The following KIAA1958 variants were observed in gnomAD, a reference collection of about 807,000 sequenced individuals.
The protein encoded by KIAA1958 is uncharacterized protein KIAA1958.
A neutral mutation model predicts 47.2 loss-of-function variants in KIAA1958; 14 were observed. The observed-to-expected ratio is 0.30, with a 90% confidence interval of 0.20 to 0.46. The LOEUF is 0.46. KIAA1958 is among the 20% of genes least tolerant of loss of function. The probability of loss-of-function intolerance (pLI) is 1.00; values close to 1 mark genes in which losing one functional copy is unlikely to be tolerated. For synonymous variants in KIAA1958, 354 were observed against 353.3 expected (o/e 1.00, Z -0.02); for missense variants, 803 against 909.2 (o/e 0.88, Z 1.50).
chr9:112,618,799 G>A lies in KIAA1958; in HGVS notation c.1172-26851G>A. 3 of 1,550,628 alleles carry A rather than the reference G, an allele frequency of 1.9e-6. No individual in the cohort carries two copies. Among genetic ancestry groups the A allele is most frequent in the Non-Finnish European group, 2.6e-6 (3 of 1,147,006 alleles). On this transcript the variant is annotated intron_variant, in intron 2 of 3. Coordinates refer to ENST00000337530, the MANE Select transcript of KIAA1958 (RefSeq NM_133465.4). This position sits in a 1 kb window ranked among gnomAD's most constrained non-coding sequence, Gnocchi z 7.1. ...CCTTGTCTGAGGCCCAGAGCAACCA[G>A]CTCGTGCTGATCTGTAACAATCTGA...
chr9:112,512,829 G>GT (rs371253942), intron 1 of KIAA1958, among the ~76,000 whole-genome samples: 104 of 150,336 alleles, frequency 6.9e-4, no homozygotes, highest in African/African-American at 2.4e-3. Flanking sequence ...AGGGATAGGT[G>GT]TTTTTTTTGT....
chr9:112,519,773 G>T lies in KIAA1958; in HGVS notation c.-25+32655G>T, dbSNP rs193293567. 2.6e-5 allele frequency among the ~76,000 whole-genome samples: 4 copies of T among 152,256 alleles called. No homozygotes were observed. The East Asian group carries it at 7.7e-4, about 29-fold the overall frequency. On this transcript the variant is annotated intron_variant, in intron 1 of 3. Transcript: ENST00000337530. The stretch of plus-strand genomic sequence containing the variant: ...GTGAGAAATGCTGATGTACCTTTTG[G>T]AGTTCAAAGACATTTTTGTACCAAC...
At chr9:112,597,480 C>T (rs1289765000) in intron 2 of KIAA1958, among the ~76,000 whole-genome samples, 1 of 152,182 alleles carries the variant, frequency 6.6e-6, no homozygotes, top group Admixed American at 6.5e-5. Flanking sequence ...CAGTAGGCCC[C>T]CTTGCCATGG....
At chr9:112,632,479 C>G (rs1327216656) in intron 2 of KIAA1958, among the ~76,000 whole-genome samples, 1 of 152,136 alleles carries the variant, frequency 6.6e-6, no homozygotes, top group Non-Finnish European at 1.5e-5. Context: ...ATGTAGACAT[C>G]ATTCAGTATT....
rs1175591755 is a variant in KIAA1958, at chr9:112,517,852, A to G, written c.-25+30734A>G. On this transcript the variant is annotated intron_variant, in intron 1 of 3. Coordinates refer to ENST00000337530, the MANE Select transcript of KIAA1958 (RefSeq NM_133465.4). ...AAGATGTTCGATGTCATTGAAATGCAAATCAAACCAGAGTGAATTACATCT... is the reference window on the plus strand; with the variant it reads ...AAGATGTTCGATGTCATTGAAATGCGAATCAAACCAGAGTGAATTACATCT... Among the ~76,000 whole-genome samples, 3 of 152,240 alleles carry G rather than the reference A, an allele frequency of 2.0e-5. No homozygotes were observed. The East Asian group carries it at 5.8e-4, about 29-fold the overall frequency.
chr9:112,595,676 TAAA>T (rs57064581), intron 2 of KIAA1958, among the ~76,000 whole-genome samples: 324 of 133,528 alleles, frequency 2.4e-3, no homozygotes, highest in Non-Finnish European at 2.3e-3. Context: ...AGACTCCATC[TAAA>T]AAAAAAAAAA....
chr9:112,668,226 T>C lies in KIAA1958; in HGVS notation c.*8157T>C, dbSNP rs985673369. 12 of 152,188 alleles carry C rather than the reference T, an allele frequency of 7.9e-5. No homozygotes were observed. The highest frequency in any genetic ancestry group is 2.1e-4 in the South Asian group (1 of 4,834). The allele number at this position is 152,188 out of a possible 1,614,324, so 9.4% of individuals were successfully genotyped here. A position where few individuals can be genotyped will look rare whatever the true frequency, so the allele number is the denominator to read the frequency against. ...AGACTGAAGCCCATGTGCTTCTCCA[T>C]GCTCAAACGCAGAACTAAAAATGGG... On this transcript the variant is annotated 3_prime_UTR_variant, in exon 4 of 4. Coordinates refer to ENST00000337530, the MANE Select transcript of KIAA1958 (RefSeq NM_133465.4).
At chr9:112,496,096 CAT>C (rs1182327667) in intron 1 of KIAA1958, among the ~76,000 whole-genome samples, 1 of 152,154 alleles carries the variant, frequency 6.6e-6, no homozygotes, top group Non-Finnish European at 1.5e-5. Context: ...ACCCAGAAAA[CAT>C]AGAATTGTGA....
intron 2 of KIAA1958, among the ~76,000 whole-genome samples, chr9:112,587,127 A>G (rs1006511637): frequency 1.3e-5 from 2 of 152,182 alleles, no homozygotes; most frequent in African/African-American, 2.4e-5. Context: ...AAAAAAGTGT[A>G]TTAGAACCAG....
intron 1 of KIAA1958, among the ~76,000 whole-genome samples, chr9:112,504,408 C>T (rs1204382682): frequency 1.3e-5 from 2 of 152,112 alleles, no homozygotes; most frequent in Non-Finnish European, 2.9e-5. Context: ...AGGCGGGTCT[C>T]GAATTCCTGA....
intron 1 of KIAA1958, among the ~76,000 whole-genome samples, chr9:112,520,851 T>C (rs1834526737): frequency 1.3e-5 from 2 of 152,220 alleles, no homozygotes; most frequent in African/African-American, 4.8e-5. Context: ...TTGGTCCTTT[T>C]CAACATATGA....
At chr9:112,512,905 T>G (rs2132782269) in intron 1 of KIAA1958, among the ~76,000 whole-genome samples, 1 of 152,252 alleles carries the variant, frequency 6.6e-6, no homozygotes, top group South Asian at 2.1e-4. Context: ...TGGCACGATC[T>G]TGGCTCACTG....
chr9:112,599,853 G>A (rs1044307919), intron 2 of KIAA1958, among the ~76,000 whole-genome samples: 1 of 152,158 alleles, frequency 6.6e-6, no homozygotes, highest in Admixed American at 6.5e-5. Context: ...TCAGAAGAAG[G>A]TTCTCTTGAT....
intron 1 of KIAA1958, among the ~76,000 whole-genome samples, chr9:112,518,772 A>G (rs957217492): frequency 6.6e-6 from 1 of 152,238 alleles, no homozygotes; most frequent in Non-Finnish European, 1.5e-5. Context: ...GTAAAATAGG[A>G]AAGAACAGTA....
At chr9:112,605,324 G>A (rs1836211090) in intron 2 of KIAA1958, among the ~76,000 whole-genome samples, 1 of 152,104 alleles carries the variant, frequency 6.6e-6, no homozygotes, top group Non-Finnish European at 1.5e-5. Flanking sequence ...GGCTGAGGAT[G>A]GGTTGGGGAA....
Position 112,536,506 on chromosome 9 carries a change from G to C in KIAA1958, c.-24-37551G>C, listed in dbSNP as rs370478860. 2.0e-5 allele frequency among the ~76,000 whole-genome samples: 3 copies of C among 152,150 alleles called. No individual in the cohort carries two copies. In the South Asian group the frequency reaches 6.2e-4, roughly 32 times the overall value. Reference sequence around the variant, plus strand: ...TCTTGTTAAGTTGTATAATTAAAAAGGGGTGTGCAAGGATGGGTAAATAGA... The same window carrying C: ...TCTTGTTAAGTTGTATAATTAAAAACGGGTGTGCAAGGATGGGTAAATAGA... On this transcript the variant is annotated intron_variant, in intron 1 of 3. Coordinates refer to ENST00000337530, the MANE Select transcript of KIAA1958 (RefSeq NM_133465.4).
At chr9:112,589,367 C>G (rs1835880772) in intron 2 of KIAA1958, among the ~76,000 whole-genome samples, 1 of 152,116 alleles carries the variant, frequency 6.6e-6, no homozygotes, top group African/African-American at 2.4e-5. Flanking sequence ...GAGGCTGAGG[C>G]TGGTGGATCA....
At chr9:112,576,823 G>A (rs1835654145) in intron 2 of KIAA1958, among the ~76,000 whole-genome samples, 1 of 152,078 alleles carries the variant, frequency 6.6e-6, no homozygotes, top group African/African-American at 2.4e-5. Flanking sequence ...AGGTTTTTGT[G>A]TGGGTGTGTA....
At chr9:112,595,824 T>C (rs563180363) in intron 2 of KIAA1958, among the ~76,000 whole-genome samples, 7 of 152,124 alleles carry the variant, frequency 4.6e-5, no homozygotes, top group Admixed American at 4.6e-4. Context: ...TCACTCTTAT[T>C]GCCCAGGCTG....
Sources: allele counts gnomAD v4.1 joint callset (sites outside exome capture counted in the v4.1 genomes callset), GRCh38; gene constraint gnomAD v4.1.1; non-coding constraint Gnocchi (gnomAD v3.1); transcripts MANE v1.5; gene names NCBI Gene and HGNC (gene_info 2026-07-23, HGNC 2026-07-21).